The following DNMBP variants were observed in gnomAD, a reference collection of about 807,000 sequenced individuals.
DNMBP encodes the protein dynamin binding protein.
Under a neutral mutation model 150.0 loss-of-function variants are expected in DNMBP, and 87 were observed. The ratio of observed to expected loss-of-function variants is 0.58; its 90% confidence interval spans 0.49 to 0.69. DNMBP has a LOEUF of 0.69. Ranked by LOEUF, DNMBP falls within the 30% of genes least tolerant of loss-of-function variation. The pLI is 0.00. For missense variants in DNMBP, 1,774 were observed against 1,949.0 expected (o/e 0.91, Z 1.69); for synonymous variants, 711 against 750.4 (o/e 0.95, Z 0.86).
At chr10:99,888,744 C>T (rs61872196) in intron 12 of DNMBP, 81 bp downstream of exon 12, 55,898 of 1,551,418 alleles carry the variant, frequency 0.036, 1,279 homozygotes, top group South Asian at 0.088. Flanking sequence ...GGGCCTGTGT[C>T]CGTGGAACTG....
intron 1 of DNMBP, among the ~76,000 whole-genome samples, chr10:100,002,957 G>A (rs1448412171): frequency 1.3e-5 from 2 of 152,182 alleles, no homozygotes; most frequent in Admixed American, 6.5e-5. Flanking sequence ...TTAAGACTGA[G>A]AACAAGACAA....
At chr10:99,990,435 C>A (rs1312251497) in intron 1 of DNMBP, among the ~76,000 whole-genome samples, 1 of 151,560 alleles carries the variant, frequency 6.6e-6, no homozygotes, top group Admixed American at 6.6e-5. Flanking sequence ...AACCATAGTC[C>A]CAGCTACTCG....
chr10:99,898,097 C>T lies in DNMBP; in HGVS notation c.2909G>A (p.Arg970Gln), dbSNP rs755577741. 8 of 1,613,926 alleles carry T rather than the reference C, an allele frequency of 5.0e-6. No individual in the cohort carries two copies. Among genetic ancestry groups the T allele is most frequent in the South Asian group, 2.2e-5 (2 of 91,070 alleles). Residue 970 changes from arginine to glutamine, a missense_variant, in exon 9 of 17, where the codon CGA (arginine) becomes CAA (glutamine). Arg to Gln is a conservative substitution (Grantham distance 43). Coordinates refer to ENST00000324109, the MANE Select transcript of DNMBP (RefSeq NM_015221.4). ...INVNINEYKR[R>Q]KDLVLKYRKG... is the part of the protein sequence containing the mutation. ...TATGCTGTTCTTACCCAGGTCCTTT[C>T]GCCGTTTATATTCATTAATGTTAAC...
chr10:100,001,205 T>C (rs2041006974), intron 1 of DNMBP, among the ~76,000 whole-genome samples: 1 of 106,758 alleles, frequency 9.4e-6, no homozygotes, highest in Non-Finnish European at 1.7e-5. Context: ...CACTCCAGCC[T>C]GGAGGACAGA....
chr10:99,914,206 C>A, intron 4 of DNMBP: 1 of 993,638 alleles, frequency 1.0e-6, no homozygotes, highest in East Asian at 3.3e-5. Flanking sequence ...GCGGGCCCAG[C>A]AGTACCTGGA....
intron 10 of DNMBP, 129 bp from the exon 11 acceptor site, chr10:99,895,179 T>G: frequency 5.1e-6 from 3 of 593,180 alleles, no homozygotes. Flanking sequence ...CAGGTTGGAG[T>G]GCAATGGCAT....
At chr10:99,976,199 C>A (rs185709797) in intron 1 of DNMBP, among the ~76,000 whole-genome samples, 3 of 152,198 alleles carry the variant, frequency 2.0e-5, no homozygotes, top group African/African-American at 7.2e-5. Context: ...ATTTGTGTCA[C>A]TGATATAGCA....
intron 1 of DNMBP, among the ~76,000 whole-genome samples, chr10:100,004,432 G>T (rs2041047325): frequency 6.6e-6 from 1 of 151,812 alleles, no homozygotes; most frequent in African/African-American, 2.4e-5. Flanking sequence ...TAAAATTAGA[G>T]CAATTAAAAA....
At chr10:99,895,576 C>T (rs2039641252) in intron 10 of DNMBP, among the ~76,000 whole-genome samples, 6 of 152,226 alleles carry the variant, frequency 3.9e-5, no homozygotes, top group Admixed American at 3.9e-4. Flanking sequence ...TCTTTGCAAG[C>T]CCTCTGCTCT....
At chr10:99,922,514 T>TG (rs2040034472) in intron 4 of DNMBP, among the ~76,000 whole-genome samples, 1 of 100,482 alleles carries the variant, frequency 1.0e-5, no homozygotes, top group South Asian at 4.0e-4. Flanking sequence ...TTTTTTTTTT[T>TG]TTTTTTTTTT....
intron 1 of DNMBP, among the ~76,000 whole-genome samples, chr10:99,981,763 C>T (rs2133366348): frequency 6.6e-6 from 1 of 152,268 alleles, no homozygotes; most frequent in South Asian, 2.1e-4. Context: ...CAGTTGGGTT[C>T]AGCCAATGGA....
At chr10:99,881,515 A>G (rs2039367345) in intron 15 of DNMBP, among the ~76,000 whole-genome samples, 1 of 152,226 alleles carries the variant, frequency 6.6e-6, no homozygotes, top group South Asian at 2.1e-4. Context: ...ACAGACCCAG[A>G]GTATGTAGCC....
At chr10:99,964,891 T>C (rs569740192) in intron 3 of DNMBP, among the ~76,000 whole-genome samples, 2 of 147,638 alleles carry the variant, frequency 1.4e-5, no homozygotes, top group African/African-American at 2.5e-5. Flanking sequence ...AAAAAATATA[T>C]ATATATATAT....
intron 4 of DNMBP, among the ~76,000 whole-genome samples, chr10:99,953,268 CTTT>C (rs775893613): frequency 6.9e-6 from 1 of 145,676 alleles, no homozygotes. Context: ...TAATTTAAAA[CTTT>C]TTTTTTTTTT....
intron 1 of DNMBP, among the ~76,000 whole-genome samples, chr10:99,983,418 G>T (rs903019286): frequency 6.6e-6 from 1 of 152,206 alleles, no homozygotes. Flanking sequence ...AGGAAGGAAG[G>T]AAATGAGAGA....
At chr10:99,924,114 A>G (rs1239916061) in intron 4 of DNMBP, among the ~76,000 whole-genome samples, 2 of 151,986 alleles carry the variant, frequency 1.3e-5, no homozygotes, top group East Asian at 1.9e-4. Flanking sequence ...AGATTGTGCC[A>G]CTGCACTCCA....
intron 3 of DNMBP, among the ~76,000 whole-genome samples, chr10:99,959,856 AAAAAAAAAAAC>A (rs779854199): frequency 0.1 from 12,825 of 125,998 alleles, 823 homozygotes; most frequent in African/African-American, 0.23. Flanking sequence ...CCGTGTCTCA[AAAAAAAAAAAC>A]AAAAAAAAAA....
At chr10:99,930,947 G>C in intron 4 of DNMBP, 2 of 491,566 alleles carry the variant, frequency 4.1e-6, no homozygotes, top group Non-Finnish European at 7.1e-6. Flanking sequence ...TTCAACCTCA[G>C]GATCCAATCA....
chr10:99,900,553 T>G (rs2039724589), intron 6 of DNMBP, among the ~76,000 whole-genome samples: 1 of 152,202 alleles, frequency 6.6e-6, no homozygotes, highest in Admixed American at 6.5e-5. Context: ...CCAGTCCCTT[T>G]GCAGTCGAGC....
Sources: gnomAD v4.1 joint callset for allele counts (sites outside exome capture counted in the v4.1 genomes callset) on GRCh38, gnomAD v4.1.1 for gene constraint, MANE v1.5 for transcripts, NCBI Gene and HGNC (gene_info 2026-07-23, HGNC 2026-07-21) for gene names.